Variants in NBAS observed in about 807,000 individuals in gnomAD.
The protein encoded by NBAS is NAG/BC035112 fusion.
NBAS carries 219 observed loss-of-function variants against 302.5 expected under a neutral mutation model. The observed-to-expected ratio is 0.72, with a 90% CI of 0.65 to 0.81. NBAS has a LOEUF of 0.81. NBAS is among the 30% of genes least tolerant of loss of function. The pLI is 0.00. For missense variants in NBAS, 2,932 were observed against 2,841.6 expected, an observed-to-expected ratio of 1.03 and a Z score of -0.72; for synonymous variants, 1,118 against 1,021.6, an observed-to-expected ratio of 1.09 and a Z score of -1.80.
At chr2:15,224,175 T>C (rs901160053) in intron 47 of NBAS, among the ~76,000 whole-genome samples, 3 of 152,172 alleles carry the variant, frequency 2.0e-5, no homozygotes, top group Non-Finnish European at 4.4e-5. Context: ...ATCTGGCATT[T>C]CCCTATTATG....
intron 9 of NBAS, among the ~76,000 whole-genome samples, chr2:15,523,910 T>C (rs141137260): frequency 0.02 from 3,068 of 152,192 alleles, 73 homozygotes; most frequent in East Asian, 0.057. Flanking sequence ...TGAGATTCTG[T>C]CTCTAAATAA....
the NBAS span, among the ~76,000 whole-genome samples, chr2:14,939,696 C>G: frequency 6.6e-6 from 1 of 152,234 alleles, no homozygotes; most frequent in Non-Finnish European, 1.5e-5. Flanking sequence ...AGTCCATGGA[C>G]TGCTGAAGGA....
At chr2:15,462,066 C>G (rs757419395) in intron 19 of NBAS, among the ~76,000 whole-genome samples, 3 of 152,128 alleles carry the variant, frequency 2.0e-5, no homozygotes, top group Non-Finnish European at 4.4e-5. Flanking sequence ...CAAAATCAAC[C>G]ACCAGGTAAA....
At chr2:15,284,184 C>A (rs1258863150) in intron 42 of NBAS, among the ~76,000 whole-genome samples, 2 of 149,960 alleles carry the variant, frequency 1.3e-5, no homozygotes, top group Non-Finnish European at 1.5e-5. Context: ...AAGAGTCCAG[C>A]AACTCAAAAA....
chr2:14,840,855 A>C, the NBAS span, among the ~76,000 whole-genome samples: 30,923 of 151,946 alleles, frequency 0.2, 4,999 homozygotes, highest in African/African-American at 0.44. Context: ...CACTGGTACA[A>C]TTAAATGGAT....
chr2:15,084,802 A>G, the NBAS span, among the ~76,000 whole-genome samples: 1 of 152,324 alleles, frequency 6.6e-6, no homozygotes, highest in Admixed American at 6.5e-5. Flanking sequence ...CAAACTGCAG[A>G]ACATTTAGGC....
intron 6 of NBAS, 50 bp downstream of exon 6, chr2:15,551,443 C>A (rs1382882510): frequency 8.1e-7 from 1 of 1,230,122 alleles, no homozygotes; most frequent in Non-Finnish European, 1.2e-6. Flanking sequence ...ACATTGGAAA[C>A]CATTGCGCAT....
intron 42 of NBAS, 47 bp downstream of exon 42, chr2:15,287,026 C>G: frequency 6.8e-7 from 1 of 1,464,192 alleles, no homozygotes; most frequent in Non-Finnish European, 9.6e-7. Context: ...AAAATAGACT[C>G]TAAAGAAAGA....
At chr2:15,001,511 T>C in the NBAS span, among the ~76,000 whole-genome samples, 1 of 152,194 alleles carries the variant, frequency 6.6e-6, no homozygotes, top group Non-Finnish European at 1.5e-5. Context: ...AAAACCTACA[T>C]ACTTAGATTA....
the NBAS span, among the ~76,000 whole-genome samples, chr2:14,835,346 A>T: frequency 6.6e-6 from 1 of 152,038 alleles, no homozygotes; most frequent in East Asian, 1.9e-4. Flanking sequence ...CCAGAAAGGC[A>T]TATAAAAATA....
chr2:15,492,112 C>T (rs1023615790), intron 11 of NBAS, among the ~76,000 whole-genome samples: 11 of 152,160 alleles, frequency 7.2e-5, no homozygotes, highest in African/African-American at 2.4e-4. Flanking sequence ...TTCACTTACA[C>T]ACAAAAGTAG....
the NBAS span, among the ~76,000 whole-genome samples, chr2:14,997,968 T>C: frequency 6.6e-6 from 1 of 152,216 alleles, no homozygotes; most frequent in Non-Finnish European, 1.5e-5. Context: ...CTTTCTCATC[T>C]GTTCCTTTCT....
chr2:15,496,362 G>A (rs539547748), intron 11 of NBAS, among the ~76,000 whole-genome samples: 1 of 152,120 alleles, frequency 6.6e-6, no homozygotes, highest in South Asian at 2.1e-4. Flanking sequence ...GGGATGCAGG[G>A]TTTTTTTCCA....
intron 44 of NBAS, among the ~76,000 whole-genome samples, chr2:15,263,613 A>G (rs1233196427): frequency 6.6e-6 from 1 of 152,194 alleles, no homozygotes; most frequent in African/African-American, 2.4e-5. Context: ...TCATGTTTTT[A>G]TTAAAACTGC....
At chr2:15,013,752 C>T in the NBAS span, among the ~76,000 whole-genome samples, 1 of 152,116 alleles carries the variant, frequency 6.6e-6, no homozygotes, top group Non-Finnish European at 1.5e-5. Context: ...CCACTGCACA[C>T]CCTGCCTGGG....
Position 15,556,808 on chromosome 2 carries a change from A to C in NBAS, c.184T>G (p.Phe62Val). 1 of 1,611,042 alleles carries C rather than the reference A, an allele frequency of 6.2e-7. No homozygotes were observed. The highest frequency in any genetic ancestry group is 1.1e-5 in the South Asian group (1 of 90,960). ...CTGTACCAGATGTATTGGCGTAAAA[A>C]TAATAAACGATCTGTAATCAAAAGA... ...ITKAIRDRLL[F>V]LRQYIWYSPA... Residue 62 changes from phenylalanine (F) to valine (V), a missense_variant, in exon 3 of 52, where the codon TTT becomes GTT. Coordinates refer to ENST00000281513, the MANE Select transcript of NBAS (RefSeq NM_015909.4).
chr2:15,229,290 G>A (rs548705820), intron 47 of NBAS, among the ~76,000 whole-genome samples: 281 of 131,718 alleles, frequency 2.1e-3, no homozygotes, highest in Non-Finnish European at 3.1e-3. Flanking sequence ...GCAGTGAGCC[G>A]AGATCCCATC....
the NBAS span, among the ~76,000 whole-genome samples, chr2:14,790,536 A>G: frequency 1.3e-5 from 2 of 152,206 alleles, no homozygotes; most frequent in East Asian, 1.9e-4. Flanking sequence ...CCTTTCCTCT[A>G]AAAAAGAAAT....
chr2:15,222,285 C>T (rs12612823), intron 47 of NBAS, among the ~76,000 whole-genome samples: 28,306 of 151,970 alleles, frequency 0.19, 3,293 homozygotes, highest in East Asian at 0.44. Context: ...TGATGAAGGC[C>T]TGAAGCTGTC....
Sources: gnomAD v4.1 joint callset for allele counts (sites outside exome capture counted in the v4.1 genomes callset) on GRCh38, gnomAD v4.1.1 for gene constraint, MANE v1.5 for transcripts, NCBI Gene and HGNC (gene_info 2026-07-23, HGNC 2026-07-21) for gene names.